The following ARB2A variants were observed in gnomAD, a reference collection of about 807,000 sequenced individuals.
ARB2A encodes the protein ARB2 cotranscriptional regulator A, also known as cotranscriptional regulator ARB2A.
the ARB2A span, among the ~76,000 whole-genome samples, chr5:93,857,306 T>C: frequency 3.9e-5 from 6 of 152,194 alleles, no homozygotes; most frequent in Non-Finnish European, 8.8e-5. Flanking sequence ...ACCACTGCTC[T>C]CTTCAAAGCT....
At chr5:93,874,538 A>C in the ARB2A span, among the ~76,000 whole-genome samples, 1 of 152,166 alleles carries the variant, frequency 6.6e-6, no homozygotes, top group African/African-American at 2.4e-5. Flanking sequence ...TGCTCTATGC[A>C]TTTCTTCCAT....
At chr5:94,050,350 G>T in the ARB2A span, among the ~76,000 whole-genome samples, 8 of 151,318 alleles carry the variant, frequency 5.3e-5, no homozygotes, top group East Asian at 7.8e-4. Context: ...CGCCTCCCAG[G>T]TTCAAGCGAT....
the ARB2A span, among the ~76,000 whole-genome samples, chr5:93,681,562 T>G: frequency 6.6e-6 from 1 of 152,156 alleles, no homozygotes; most frequent in Non-Finnish European, 1.5e-5. Context: ...AAACCCAGTT[T>G]GGGCTCTATC....
At chr5:93,739,514 A>G in the ARB2A span, 1 of 152,192 alleles carries the variant, frequency 6.6e-6, no homozygotes, top group Admixed American at 6.5e-5. Context: ...GATATAATAC[A>G]TACTGATAGA....
At chr5:93,758,861 C>T in the ARB2A span, among the ~76,000 whole-genome samples, 1 of 152,036 alleles carries the variant, frequency 6.6e-6, no homozygotes, top group South Asian at 2.1e-4. Context: ...ACAAATCAAA[C>T]CCAACCCCAG....
chr5:93,934,252 A>T, the ARB2A span, among the ~76,000 whole-genome samples: 1 of 152,198 alleles, frequency 6.6e-6, no homozygotes, highest in African/African-American at 2.4e-5. Context: ...CACACAAATC[A>T]CCTATAAATT....
the ARB2A span, among the ~76,000 whole-genome samples, chr5:93,990,620 T>A: frequency 1.4e-3 from 104 of 75,218 alleles, no homozygotes; most frequent in South Asian, 2.6e-3. Context: ...CTACCATGAG[T>A]AAAAAAAAAA....
the ARB2A span, among the ~76,000 whole-genome samples, chr5:93,729,843 C>T: frequency 3.9e-4 from 59 of 152,068 alleles, no homozygotes; most frequent in Non-Finnish European, 5.9e-4. Context: ...TACATGGAAT[C>T]GTTGTTGTCC....
chr5:93,829,915 T>C, the ARB2A span, among the ~76,000 whole-genome samples: 1 of 152,214 alleles, frequency 6.6e-6, no homozygotes, highest in African/African-American at 2.4e-5. Context: ...ATTCCACTTC[T>C]TGTCTGCTTT....
chr5:93,780,505 CCTTT>C, the ARB2A span, among the ~76,000 whole-genome samples: 5 of 134,804 alleles, frequency 3.7e-5, no homozygotes, highest in South Asian at 4.4e-4. Flanking sequence ...TACTCTTTGA[CCTTT>C]CTTTCTCTTT....
chr5:93,697,726 G>A, the ARB2A span, among the ~76,000 whole-genome samples: 1 of 152,086 alleles, frequency 6.6e-6, no homozygotes, highest in Non-Finnish European at 1.5e-5. Flanking sequence ...CGAGCGCAAT[G>A]TTGTGTTTTA....
the ARB2A span, chr5:93,682,839 A>G: frequency 4.5e-6 from 6 of 1,340,324 alleles, no homozygotes; most frequent in Non-Finnish European, 6.3e-6. Flanking sequence ...CTATTTTCTT[A>G]AAGAGACTTC....
At chr5:93,856,514 C>T in the ARB2A span, among the ~76,000 whole-genome samples, 30 of 152,274 alleles carry the variant, frequency 2.0e-4, no homozygotes, top group South Asian at 8.3e-4. Flanking sequence ...CTTCCCTTCT[C>T]GCTTCATTTC....
At chr5:94,110,977 ATACT>A in the ARB2A span, among the ~76,000 whole-genome samples, 3 of 152,322 alleles carry the variant, frequency 2.0e-5, no homozygotes, top group African/African-American at 7.2e-5. Context: ...CTTCCAAAAC[ATACT>A]TACTTTATTT....
At chr5:93,809,610 TA>T in the ARB2A span, among the ~76,000 whole-genome samples, 3 of 151,956 alleles carry the variant, frequency 2.0e-5, no homozygotes, top group East Asian at 1.9e-4. Context: ...AGCATAGAGA[TA>T]AAAAAAATCA....
the ARB2A span, among the ~76,000 whole-genome samples, chr5:93,760,138 C>G: frequency 6.6e-6 from 1 of 152,134 alleles, no homozygotes; most frequent in Non-Finnish European, 1.5e-5. Context: ...AACTCAACCC[C>G]TTTTAAAATA....
chr5:94,098,980 TAATA>T, the ARB2A span, among the ~76,000 whole-genome samples: 1 of 152,108 alleles, frequency 6.6e-6, no homozygotes, highest in African/African-American at 2.4e-5. Flanking sequence ...ACTGAATCAC[TAATA>T]AATAGCCTAC....
At chr5:93,995,822 T>TATAC in the ARB2A span, among the ~76,000 whole-genome samples, 1 of 152,146 alleles carries the variant, frequency 6.6e-6, no homozygotes, top group African/African-American at 2.4e-5. Context: ...ACCACAATAA[T>TATAC]ATACATACAT....
chr5:93,623,147 A>G, the ARB2A span, among the ~76,000 whole-genome samples: 1 of 152,072 alleles, frequency 6.6e-6, no homozygotes. Context: ...ATAACTACAC[A>G]GTTGCACTTA....
Sources: allele counts gnomAD v4.1 joint callset (sites outside exome capture counted in the v4.1 genomes callset), GRCh38; gene constraint gnomAD v4.1.1; transcripts MANE v1.5; gene names NCBI Gene and HGNC (gene_info 2026-07-23, HGNC 2026-07-21).